TRPM6: variants seen among roughly 807,000 people sequenced by gnomAD.
The protein encoded by TRPM6 is channel kinase 2.
Under a neutral mutation model 247.6 loss-of-function variants are expected in TRPM6, and 111 were observed. The ratio of observed to expected loss-of-function variants is 0.45; its 90% CI spans 0.38 to 0.52. TRPM6 has a LOEUF of 0.52. Among genes scored for constraint, TRPM6 ranks in the 20% least tolerant of loss-of-function variants. The probability of loss-of-function intolerance (pLI) is 0.00; values close to 1 mark genes in which losing one functional copy is unlikely to be tolerated. For synonymous variants in TRPM6, 892 were observed against 853.8 expected (o/e 1.04, Z -0.78); for missense variants, 2,126 against 2,421.5 (o/e 0.88, Z 2.56).
At position 74,732,727 on chromosome 9, in the gene TRPM6, TC is replaced by T. The variant is rs1219436769; in HGVS notation, c.5785del (p.Glu1929LysfsTer3). 1.2e-6 allele frequency: 2 copies of T among 1,609,364 alleles called. No homozygotes were observed. Among genetic ancestry groups the T allele is most frequent in the Non-Finnish European group, 1.7e-6 (2 of 1,177,692 alleles). On this transcript the variant is annotated frameshift_variant, in exon 37 of 39. Transcript: ENST00000360774. The stretch of plus-strand genomic sequence containing the variant: ...TATAACAGATGGATCTGTCAAATTT[TC>T]TCCAACACCTCAAAAGAAGAAACAA... The part of the protein sequence containing the change: ...LLVLDLQGVG[E>X]NLTDPSVIKP...
At chr9:74,851,751 A>G (rs1207880754) in intron 3 of TRPM6, among the ~76,000 whole-genome samples, 1 of 122,830 alleles carries the variant, frequency 8.1e-6, no homozygotes, top group African/African-American at 3.4e-5. Flanking sequence ...TTTGTCTCAA[A>G]AAAAAAAAAA....
intron 37 of TRPM6, 40 bp downstream of exon 37, chr9:74,732,645 A>G (rs1328009753): frequency 1.4e-6 from 2 of 1,430,950 alleles, no homozygotes; most frequent in Non-Finnish European, 9.8e-7. Context: ...ACTATATGTT[A>G]AATGCAATTT....
chr9:74,878,844 T>C (rs1210778787), intron 1 of TRPM6, among the ~76,000 whole-genome samples: 1 of 152,022 alleles, frequency 6.6e-6, no homozygotes, highest in Non-Finnish European at 1.5e-5. Context: ...CTCAGCCAGG[T>C]GTGGTGGCTC....
chr9:74,765,350 CAA>C (rs56073840), intron 25 of TRPM6, among the ~76,000 whole-genome samples: 22 of 106,424 alleles, frequency 2.1e-4, no homozygotes, highest in African/African-American at 3.5e-4. Flanking sequence ...GTGTTAAGAG[CAA>C]AAAAAAAAAA....
intron 1 of TRPM6, among the ~76,000 whole-genome samples, chr9:74,873,372 A>G (rs1831088247): frequency 1.3e-5 from 2 of 152,190 alleles, no homozygotes; most frequent in Admixed American, 1.3e-4. Context: ...GTCTCCAAAG[A>G]CAGGGAACTG....
chr9:74,824,331 T>C (rs1055973843), intron 7 of TRPM6, among the ~76,000 whole-genome samples: 6 of 151,632 alleles, frequency 4.0e-5, no homozygotes, highest in Non-Finnish European at 5.9e-5. Flanking sequence ...TTTGTATTTT[T>C]AGTAGAGACG....
At chr9:74,807,009 C>T (rs1370456156) in intron 14 of TRPM6, among the ~76,000 whole-genome samples, 3 of 152,242 alleles carry the variant, frequency 2.0e-5, no homozygotes, top group Non-Finnish European at 4.4e-5. Context: ...GGGAACCTCA[C>T]AGCAATGTCT....
chr9:74,826,569 G>T (rs373931823), intron 7 of TRPM6, among the ~76,000 whole-genome samples: 73 of 152,088 alleles, frequency 4.8e-4, no homozygotes, highest in African/African-American at 1.7e-3. Context: ...CCTGCTCTCT[G>T]TAAAGGATTC....
chr9:74,766,285 A>T (rs1484721190), intron 25 of TRPM6, among the ~76,000 whole-genome samples: 1 of 152,234 alleles, frequency 6.6e-6, no homozygotes, highest in Non-Finnish European at 1.5e-5. Context: ...ATGTCCCGTG[A>T]AACATATTTT....
At position 74,762,269 on chromosome 9, in the gene TRPM6, T is replaced by C; in HGVS notation, c.4402A>G (p.Ile1468Val). The change falls in exon 26 of 39, where the codon ATC becomes GTC. Residue 1468 changes from isoleucine (I) to valine (V), a missense_variant. Coordinates refer to ENST00000360774, the MANE Select transcript of TRPM6 (RefSeq NM_017662.5). ...SEGDETGVFS[I>V]KKKWQTCLPS... ...AAGCAGGTTTGCCACTTTTTCTTGA[T>C]GCTAAACACACCAGTTTCATCACCT... The C allele has an allele frequency of 1.2e-6, 2 of 1,614,226 alleles. No individual in the cohort carries two copies. The highest frequency in any genetic ancestry group is 1.7e-6 in the Non-Finnish European group (2 of 1,180,032).
intron 5 of TRPM6, among the ~76,000 whole-genome samples, chr9:74,836,925 C>A (rs1829744250): frequency 6.6e-6 from 1 of 152,208 alleles, no homozygotes; most frequent in Non-Finnish European, 1.5e-5. Context: ...TTCCAAGGTG[C>A]CCTCAGTTGA....
chr9:74,856,746 T>C (rs1470685252), intron 2 of TRPM6, among the ~76,000 whole-genome samples: 2 of 152,048 alleles, frequency 1.3e-5, no homozygotes, highest in Non-Finnish European at 1.5e-5. Context: ...CAAACTTTTA[T>C]CGATATTTTA....
intron 14 of TRPM6, among the ~76,000 whole-genome samples, chr9:74,804,138 T>G (rs921409448): frequency 6.6e-6 from 1 of 152,240 alleles, no homozygotes; most frequent in Non-Finnish European, 1.5e-5. Flanking sequence ...GAACACACTC[T>G]TTTGTTCCCT....
At chr9:74,797,249 G>T (rs1828129628) in intron 17 of TRPM6, among the ~76,000 whole-genome samples, 1 of 152,188 alleles carries the variant, frequency 6.6e-6, no homozygotes, top group Admixed American at 6.5e-5. Context: ...TGAATATAAT[G>T]AAAAGGTAGC....
chr9:74,874,491 A>ATAAT (rs1831129827), intron 1 of TRPM6, among the ~76,000 whole-genome samples: 1 of 152,166 alleles, frequency 6.6e-6, no homozygotes, highest in Non-Finnish European at 1.5e-5. Flanking sequence ...AGTTACCCAT[A>ATAAT]TAATGCCTTT....
At chr9:74,726,845 C>CA (rs777336995) in intron 38 of TRPM6, among the ~76,000 whole-genome samples, 28 of 152,300 alleles carry the variant, frequency 1.8e-4, no homozygotes, top group Non-Finnish European at 3.8e-4. Context: ...CCTGATGACT[C>CA]ACAGTCCAGT....
At position 74,785,887 on chromosome 9, in the gene TRPM6, A is replaced by G. The variant is rs778735100; in HGVS notation, c.2906T>C (p.Met969Thr). 3.1e-6 allele frequency: 5 copies of G among 1,614,224 alleles called. No homozygotes were observed. In the South Asian group the frequency reaches 4.4e-5, roughly 14 times the overall value. ...VNQHAGPYVT[M>T]IAKMTANMFY... ...GACTGTACTCACCATTTTTGCAATC[A>G]TGGTCACATATGGACCTGCATGTTG... Residue 969 changes from methionine (M) to threonine (T), a missense_variant, in exon 21 of 39, where the codon ATG becomes ACG. Coordinates refer to ENST00000360774, the MANE Select transcript of TRPM6 (RefSeq NM_017662.5).
chr9:74,778,940 A>G (rs1827321925), intron 23 of TRPM6, among the ~76,000 whole-genome samples: 1 of 152,132 alleles, frequency 6.6e-6, no homozygotes, highest in South Asian at 2.1e-4. Context: ...GGTGACACCC[A>G]CAGCAGGAGC....
intron 36 of TRPM6, among the ~76,000 whole-genome samples, chr9:74,734,432 A>G (rs1336625885): frequency 1.3e-5 from 2 of 152,202 alleles, no homozygotes; most frequent in African/African-American, 4.8e-5. Flanking sequence ...ATCCTTATAG[A>G]CTTTCACCCT....
Sources: gnomAD v4.1 joint callset for allele counts (sites outside exome capture counted in the v4.1 genomes callset) on GRCh38, gnomAD v4.1.1 for gene constraint, MANE v1.5 for transcripts, NCBI Gene and HGNC (gene_info 2026-07-23, HGNC 2026-07-21) for gene names.